Variants in SLC9B1 observed in about 807,000 individuals in gnomAD.
SLC9B1 encodes the protein solute carrier family 9 member B1.
In SLC9B1, 32 loss-of-function variants were observed where a neutral mutation model predicts 51.7. That is an observed-to-expected ratio of 0.62 (90% CI 0.47 to 0.83). SLC9B1 has a LOEUF of 0.83. Ranked by LOEUF, SLC9B1 falls within the 40% of genes least tolerant of loss-of-function variation. The pLI, the probability that SLC9B1 is intolerant of heterozygous loss-of-function variation, is 0.00. For missense variants in SLC9B1, 406 were observed against 613.2 expected, an observed-to-expected ratio of 0.66 and a Z score of 3.57; for synonymous variants, 145 against 212.7, an observed-to-expected ratio of 0.68 and a Z score of 2.77.
intron 6 of SLC9B1, 122 bp downstream of exon 6, chr4:102,945,071 G>T: frequency 8.6e-7 from 1 of 1,157,882 alleles, no homozygotes. Context: ...GCTTTCCAAG[G>T]ATTTTAACAC....
intron 3 of SLC9B1, among the ~76,000 whole-genome samples, chr4:102,950,866 A>G (rs1468988288): frequency 1.3e-5 from 2 of 152,120 alleles, no homozygotes; most frequent in Non-Finnish European, 2.9e-5. Context: ...CTGTTGGCGC[A>G]TGCCTATAAT....
intron 7 of SLC9B1, among the ~76,000 whole-genome samples, chr4:102,916,954 GTGGAC>G (rs1165480183): frequency 2.6e-5 from 4 of 152,228 alleles, no homozygotes; most frequent in African/African-American, 9.6e-5. Flanking sequence ...GGATGAGTTA[GTGGAC>G]TGAGAGAGAA....
intron 6 of SLC9B1, among the ~76,000 whole-genome samples, chr4:102,943,393 C>T (rs1180210874): frequency 6.6e-6 from 1 of 151,988 alleles, no homozygotes; most frequent in African/African-American, 2.4e-5. Context: ...TTTATTGCAG[C>T]ACAATTTGCA....
chr4:102,986,021 A>T (rs1457527080), intron 3 of SLC9B1, among the ~76,000 whole-genome samples: 1 of 152,176 alleles, frequency 6.6e-6, no homozygotes, highest in Non-Finnish European at 1.5e-5. Flanking sequence ...TTAAGAATTT[A>T]AAAAATTTTA....
intron 3 of SLC9B1, among the ~76,000 whole-genome samples, chr4:102,958,305 G>A (rs1270154941): frequency 8.5e-5 from 13 of 152,070 alleles, no homozygotes; most frequent in East Asian, 3.8e-4. Flanking sequence ...TCCTGCTTTC[G>A]CTATGTGACA....
At chr4:102,888,544 G>GAAAT (rs1384634043) in intron 11 of SLC9B1, 1 of 152,222 alleles carries the variant, frequency 6.6e-6, no homozygotes, top group African/African-American at 2.4e-5. Context: ...AAAAGTTTGT[G>GAAAT]AAATAAACGT....
At chr4:102,975,625 TG>T (rs1356645098) in intron 3 of SLC9B1, among the ~76,000 whole-genome samples, 3 of 120,716 alleles carry the variant, frequency 2.5e-5, no homozygotes, top group African/African-American at 9.7e-5. Context: ...TGGAGTGCAG[TG>T]GTGCAATATC....
At chr4:102,991,250 C>T (rs372850035) in intron 2 of SLC9B1, among the ~76,000 whole-genome samples, 3 of 151,972 alleles carry the variant, frequency 2.0e-5, no homozygotes, top group Admixed American at 6.6e-5. Context: ...AAAGGTCTAA[C>T]GACTTGCTCT....
chr4:103,009,649 T>A (rs1224412944), intron 1 of SLC9B1, among the ~76,000 whole-genome samples: 1 of 152,234 alleles, frequency 6.6e-6, no homozygotes, highest in African/African-American at 2.4e-5. Context: ...TTATCTACTA[T>A]GCATTGCTGA....
chr4:102,889,517 G>T (rs1196704473), intron 11 of SLC9B1: 2 of 152,212 alleles, frequency 1.3e-5, no homozygotes, highest in African/African-American at 4.8e-5. Flanking sequence ...AAAATGAGGA[G>T]ACTAAAATGA....
At chr4:102,917,636 T>A (rs1735648288) in intron 7 of SLC9B1, among the ~76,000 whole-genome samples, 1 of 151,830 alleles carries the variant, frequency 6.6e-6, no homozygotes. Context: ...AAAATGAATA[T>A]GAAGAGGACA....
chr4:102,997,018 T>A (rs1578409846), intron 1 of SLC9B1, among the ~76,000 whole-genome samples: 1 of 152,040 alleles, frequency 6.6e-6, no homozygotes, highest in East Asian at 1.9e-4. Flanking sequence ...GGTCTCAAAC[T>A]CCTGAGCTCA....
At chr4:102,992,074 T>C (rs917740049) in intron 1 of SLC9B1, among the ~76,000 whole-genome samples, 5 of 152,180 alleles carry the variant, frequency 3.3e-5, no homozygotes, top group Admixed American at 1.3e-4. Context: ...TCTTCTGTCA[T>C]GCTCTTACAT....
chr4:103,008,797 C>CCT (rs1553912927), intron 1 of SLC9B1, among the ~76,000 whole-genome samples: 1 of 99,460 alleles, frequency 1.0e-5, no homozygotes, highest in Non-Finnish European at 2.0e-5. Flanking sequence ...TTAACAGTTT[C>CCT]TTTTTTTTTT....
rs182166235 is a variant in SLC9B1 at position 102,921,965 on chromosome 4, G to A, written c.829+10159C>T. ...AGACTCCCACACAATAATAATGGGA[G>A]AATTTCACACCCCACTGTCAATATT... is the stretch of plus-strand genomic sequence containing the variant. On this transcript the variant is annotated intron_variant, in intron 7 of 11. Coordinates refer to ENST00000296422, the MANE Select transcript of SLC9B1 (RefSeq NM_139173.4). Among the ~76,000 whole-genome samples, 156 of 152,246 alleles carry A rather than the reference G, an allele frequency of 1.0e-3. 1 individual carries two copies. The highest frequency in any genetic ancestry group is 3.7e-3 in the African/African-American group (152 of 41,546).
Position 102,945,227 on chromosome 4 carries a change from T to A in SLC9B1, c.619A>T (p.Met207Leu), listed in dbSNP as rs1187017293. 1.9e-6 allele frequency: 3 copies of A among 1,608,814 alleles called. No individual in the cohort carries two copies. The Admixed American group carries it at 5.0e-5, about 27-fold the overall frequency. ...SAAAVFSHFI[M>L]KFPWQWAFLL... ...AATGCCCATTGCCAGGGAAATTTCATAATGAAGTGTGAAAAAACAGCAGCT... is the reference window on the plus strand; with the variant it reads ...AATGCCCATTGCCAGGGAAATTTCAAAATGAAGTGTGAAAAAACAGCAGCT... The change falls in exon 6 of 12, where the codon ATG becomes TTG. Residue 207 changes from methionine to leucine, a missense_variant. Around this residue, in one of 6 missense-constraint regions of SLC9B1, gnomAD observed 250 missense variants for 394.1 expected, o/e 0.63. Transcript: ENST00000296422.
intron 6 of SLC9B1, among the ~76,000 whole-genome samples, chr4:102,936,051 G>A (rs1416931378): frequency 6.6e-6 from 1 of 152,168 alleles, no homozygotes; most frequent in African/African-American, 2.4e-5. Flanking sequence ...AGTGGACTGG[G>A]AACACCTCAG....
intron 1 of SLC9B1, among the ~76,000 whole-genome samples, chr4:103,007,078 C>T (rs890219402): frequency 7.9e-5 from 12 of 152,112 alleles, no homozygotes; most frequent in African/African-American, 2.7e-4. Flanking sequence ...TCGAGGATGC[C>T]CTCTTTCAAC....
intron 3 of SLC9B1, among the ~76,000 whole-genome samples, chr4:102,984,434 T>A (rs1739513130): frequency 6.6e-6 from 1 of 152,180 alleles, no homozygotes; most frequent in African/African-American, 2.4e-5. Context: ...TATTTTTACC[T>A]TTCTCTTGAG....
Sources: gnomAD v4.1 joint callset for allele counts (sites outside exome capture counted in the v4.1 genomes callset) on GRCh38, gnomAD v4.1.1 for gene constraint, gnomAD v4.1.1 regional missense constraint, MANE v1.5 for transcripts, NCBI Gene and HGNC (gene_info 2026-07-23, HGNC 2026-07-21) for gene names.